VAV2: variants seen among roughly 807,000 people sequenced by gnomAD.
VAV2 encodes guanine nucleotide exchange factor VAV2.
In VAV2, 67 loss-of-function variants were observed where a neutral mutation model predicts 132.5. The ratio of observed to expected loss-of-function variants is 0.51; its 90% CI spans 0.42 to 0.62. The LOEUF is 0.62. Among genes scored for constraint, VAV2 ranks in the 20% least tolerant of loss-of-function variants. The pLI, the probability that VAV2 is intolerant of heterozygous loss-of-function variation, is 0.00. For missense variants in VAV2, 938 were observed against 1,153.6 expected (o/e 0.81, Z 2.71); for synonymous variants, 492 against 443.5 (o/e 1.11, Z -1.37).
chr9:133,967,034 C>CAAAAAAAAAAAAAA (rs71380266), intron 1 of VAV2, among the ~76,000 whole-genome samples: 1 of 106,186 alleles, frequency 9.4e-6, no homozygotes, highest in Non-Finnish European at 1.9e-5. Context: ...GACTTTGTCT[C>CAAAAAAAAAAAAAA]AAAAAAAAAA....
intron 1 of VAV2, among the ~76,000 whole-genome samples, chr9:133,942,356 G>A (rs1301437848): frequency 6.6e-6 from 1 of 152,208 alleles, no homozygotes; most frequent in Admixed American, 6.5e-5. Flanking sequence ...AGGAGCTGTT[G>A]CTGCCACACA....
In VAV2 at chr9:133,806,195, C is replaced by T. The variant is rs1381049423; in HGVS notation, c.736-14G>A. 1.2e-6 allele frequency: 2 copies of T among 1,608,020 alleles called. No homozygotes were observed. The highest frequency in any genetic ancestry group is 2.2e-5 in the East Asian group (1 of 44,482). ...CTTGATCAGGTCCTGGGTTGAAAAC[C>T]AGCCGTGAGTGCCTGGCCAGGCCCA... On this transcript the variant is annotated splice_polypyrimidine_tract_variant and intron_variant, in intron 8 of 29. Coordinates refer to ENST00000371850, the MANE Select transcript of VAV2 (RefSeq NM_001134398.2).
chr9:133,770,593 T>C, intron 26 of VAV2, 92 bp from the exon 27 acceptor site: 4 of 1,555,590 alleles, frequency 2.6e-6, no homozygotes, highest in Middle Eastern at 2.1e-4. Context: ...TCTTGGTTCA[T>C]GTGGGGGAGA....
intron 9 of VAV2, 53 bp from the exon 10 acceptor site, chr9:133,797,862 G>A (rs1834782697): frequency 6.4e-7 from 1 of 1,552,320 alleles, no homozygotes; most frequent in Admixed American, 1.8e-5. Flanking sequence ...GAGCAGCTCG[G>A]GGCTGCAGTG....
intron 10 of VAV2, 62 bp downstream of exon 10, chr9:133,797,648 G>A: frequency 6.9e-7 from 1 of 1,458,438 alleles, no homozygotes; most frequent in Non-Finnish European, 9.4e-7. Flanking sequence ...TACCTAACGA[G>A]CTCTGGCCTG....
At position 133,919,292 on chromosome 9, in the gene VAV2, A is replaced by G. The variant is rs1376940895; in HGVS notation, c.321+19811T>C. Among the ~76,000 whole-genome samples, 4 of 152,334 alleles carry G rather than the reference A, an allele frequency of 2.6e-5. No individual in the cohort carries two copies. Among genetic ancestry groups the G allele is most frequent in the East Asian group, 1.9e-4 (1 of 5,178 alleles). ...TCTGGGGCTGGCACCTGAGTTTCAC[A>G]GCAATCCTGCTAAGCTGGCACTTGT... On this transcript the variant is annotated intron_variant, in intron 2 of 29. Coordinates refer to ENST00000371850, the MANE Select transcript of VAV2 (RefSeq NM_001134398.2). The surrounding 1 kb of genome is among the most constrained non-coding windows in gnomAD (Gnocchi z 5.8).
chr9:133,789,611 G>A (rs573487958), intron 13 of VAV2, among the ~76,000 whole-genome samples: 9 of 152,206 alleles, frequency 5.9e-5, no homozygotes, highest in Non-Finnish European at 1.2e-4. Context: ...GGGGACAAAG[G>A]GCGATTGACG....
intron 1 of VAV2, among the ~76,000 whole-genome samples, chr9:133,962,139 C>T (rs1252801873): frequency 6.6e-6 from 1 of 152,316 alleles, no homozygotes; most frequent in African/African-American, 2.4e-5. Context: ...TGCCCACCAG[C>T]TCCTCTATGG....
At chr9:133,974,204 C>A (rs921091703) in intron 1 of VAV2, among the ~76,000 whole-genome samples, 5 of 152,140 alleles carry the variant, frequency 3.3e-5, no homozygotes, top group Non-Finnish European at 5.9e-5. Flanking sequence ...CCTCCTGGGC[C>A]GCAAGCAGGG....
At chr9:133,770,691 A>G (rs961382868) in intron 26 of VAV2, among the ~76,000 whole-genome samples, 190 bp from the exon 27 acceptor site, 2 of 152,168 alleles carry the variant, frequency 1.3e-5, no homozygotes, top group Admixed American at 6.5e-5. Context: ...AACTCCCCCA[A>G]ATGTTTCTAG....
intron 2 of VAV2, among the ~76,000 whole-genome samples, chr9:133,886,602 CA>C (rs1249796321): frequency 7.9e-5 from 12 of 152,154 alleles, no homozygotes; most frequent in African/African-American, 2.7e-4. Flanking sequence ...TGCAAATCCC[CA>C]ATCTCCTACT....
rs1840162153 is a variant in VAV2, at chr9:133,918,003, ACCT to A, written c.321+21097_321+21099del. ...ACAACTCCCAGATTCTCCTTCACTG[ACCT>A]CCTTCCACAGGAGGTCAGCAATTTC... is the stretch of plus-strand genomic sequence containing the variant. On this transcript the variant is annotated intron_variant, in intron 2 of 29. Coordinates refer to ENST00000371850, the MANE Select transcript of VAV2 (RefSeq NM_001134398.2). This position sits in a 1 kb window ranked among gnomAD's most constrained non-coding sequence, Gnocchi z 4.7. Among the ~76,000 whole-genome samples the A allele has an allele frequency of 6.7e-6, 1 of 149,710 alleles. No individual in the cohort carries two copies. The highest frequency in any genetic ancestry group is 2.1e-4 in the South Asian group (1 of 4,752).
In VAV2 at chr9:133,874,063, G is replaced by A. The variant is rs555304425; in HGVS notation, c.322-12631C>T. Among the ~76,000 whole-genome samples, 15 of 152,336 alleles carry A rather than the reference G, an allele frequency of 9.8e-5. No individual in the cohort carries two copies. In the South Asian group the frequency reaches 1.2e-3, roughly 13 times the overall value. ...CCCTTTCTGAGGAGGAGTCACCGGG[G>A]CTGGGGCAGACAGCTGGTGCCTCTG... is the stretch of plus-strand genomic sequence containing the variant. On this transcript the variant is annotated intron_variant, in intron 2 of 29. Coordinates refer to ENST00000371850, the MANE Select transcript of VAV2 (RefSeq NM_001134398.2).
intron 21 of VAV2, among the ~76,000 whole-genome samples, 174 bp downstream of exon 21, chr9:133,779,744 G>A (rs934285093): frequency 1.3e-5 from 2 of 152,144 alleles, no homozygotes; most frequent in Non-Finnish European, 2.9e-5. Flanking sequence ...CTCCCAAGGA[G>A]GTGCCATAGA....
intron 1 of VAV2, among the ~76,000 whole-genome samples, chr9:133,954,942 T>C (rs1841701317): frequency 6.6e-6 from 1 of 152,158 alleles, no homozygotes; most frequent in Admixed American, 6.5e-5. Flanking sequence ...AACAGATTTT[T>C]CCTGTTGTTT....
chr9:133,829,083 A>G (rs1836163485), intron 4 of VAV2, among the ~76,000 whole-genome samples: 1 of 152,196 alleles, frequency 6.6e-6, no homozygotes, highest in African/African-American at 2.4e-5. Context: ...GGAGCCCCCC[A>G]GTGCAGGCAT....
At chr9:133,866,168 G>T (rs11793193) in intron 2 of VAV2, among the ~76,000 whole-genome samples, 1 of 152,196 alleles carries the variant, frequency 6.6e-6, no homozygotes, top group Non-Finnish European at 1.5e-5. Flanking sequence ...GGGGTGGGTG[G>T]GGAGCCAAGC....
intron 4 of VAV2, among the ~76,000 whole-genome samples, chr9:133,812,722 T>C (rs975328167): frequency 1.3e-5 from 2 of 151,970 alleles, no homozygotes; most frequent in Non-Finnish European, 2.9e-5. Context: ...ACATGGAGGG[T>C]GACCCGGAGT....
intron 1 of VAV2, among the ~76,000 whole-genome samples, chr9:133,949,699 C>A (rs1007185152): frequency 2.0e-5 from 3 of 152,196 alleles, no homozygotes; most frequent in Non-Finnish European, 4.4e-5. Flanking sequence ...GCCCCGGAGG[C>A]ATGGATTCAA....
Sources: allele counts gnomAD v4.1 joint callset (sites outside exome capture counted in the v4.1 genomes callset), GRCh38; gene constraint gnomAD v4.1.1; non-coding constraint Gnocchi (gnomAD v3.1); transcripts MANE v1.5; gene names NCBI Gene and HGNC (gene_info 2026-07-23, HGNC 2026-07-21).